The following ZFY variants were observed in gnomAD, a reference collection of about 807,000 sequenced individuals.
ZFY encodes zinc finger protein Y-linked, also known as zinc finger Y-chromosomal protein.
For synonymous variants in ZFY, 47 were observed against 55.8 expected (o/e 0.84, Z 0.71); for missense variants, 113 against 170.9 (o/e 0.66, Z 1.89).
chrY:2,962,471 C>T (rs2051314526), intron 3 of ZFY, among the ~76,000 whole-genome samples: 1 of 33,606 alleles, frequency 3.0e-5, no homozygotes, highest in African/African-American at 1.2e-4. Context: ...TTCATTACTA[C>T]GGTCTTTGGA....
At position 2,979,609 on chromosome Y, in the gene ZFY, G is replaced by C; in HGVS notation, c.2022G>C (p.Lys674Asn). The C allele has an allele frequency of 2.5e-6, 1 of 399,118 alleles. No homozygotes were observed. Among genetic ancestry groups the C allele is most frequent in the South Asian group, 3.0e-5 (1 of 33,803 alleles). ...EKGFHRPSEL[K>N]KHVAVHKGKK... is the part of the protein sequence containing the mutation. ...GCTTTCACAGGCCTTCAGAACTTAA[G>C]AAACATGTGGCTGTCCACAAAGGTA... is the stretch of plus-strand genomic sequence containing the variant. Residue 674 changes from lysine to asparagine, a missense_variant, in exon 8 of 8, where the codon AAG becomes AAC. Physicochemically the swap from Lys to Asn is moderately conservative, Grantham distance 94. Transcript: ENST00000155093.
intron 1 of ZFY, among the ~76,000 whole-genome samples, chrY:2,937,793 C>T (rs752415261): frequency 0.013 from 411 of 32,233 alleles, no homozygotes; most frequent in Non-Finnish European, 0.026. Flanking sequence ...TGTGAGGGTC[C>T]TAGATGCAGT....
At chrY:2,977,904 T>G in intron 6 of ZFY, 36 bp from the exon 7 acceptor site, 2 of 373,979 alleles carry the variant, frequency 5.3e-6, no homozygotes, top group Non-Finnish European at 7.4e-6. Context: ...GAATTTATAA[T>G]GTTGTGTAAT....
At chrY:2,974,349 T>C (rs2051359319) in intron 3 of ZFY, among the ~76,000 whole-genome samples, 1 of 30,718 alleles carries the variant, frequency 3.3e-5, no homozygotes, top group Admixed American at 3.1e-4. Flanking sequence ...GCCCAACTCA[T>C]TTTTTTGCAT....
chrY:2,937,720 T>C, intron 1 of ZFY, among the ~76,000 whole-genome samples: 1 of 32,810 alleles, frequency 3.0e-5, no homozygotes, highest in Non-Finnish European at 7.4e-5. Flanking sequence ...GGTGGCTTTA[T>C]GAAACTTTGC....
At chrY:2,952,478 G>A (rs552998489) in intron 1 of ZFY, among the ~76,000 whole-genome samples, 44 of 33,547 alleles carry the variant, frequency 1.3e-3, no homozygotes, top group African/African-American at 5.1e-3. Flanking sequence ...TTTAGAGCAG[G>A]TGCCCTTTTT....
chrY:2,938,752 A>G, intron 1 of ZFY, among the ~76,000 whole-genome samples: 1 of 28,184 alleles, frequency 3.5e-5, no homozygotes, highest in Non-Finnish European at 8.3e-5. Context: ...TAATTTTTCT[A>G]GTTTTCGTAG....
intron 1 of ZFY, among the ~76,000 whole-genome samples, chrY:2,946,243 G>A: frequency 3.1e-5 from 1 of 32,427 alleles, no homozygotes; most frequent in Non-Finnish European, 7.5e-5. Context: ...AGCCACCCTG[G>A]CTGGCCACAA....
intron 1 of ZFY, among the ~76,000 whole-genome samples, chrY:2,937,511 G>A (rs1603310489): frequency 8.0e-4 from 18 of 22,567 alleles, no homozygotes; most frequent in African/African-American, 3.2e-3. Flanking sequence ...AAAAAAAAAA[G>A]AATGTGGCTA....
Position 2,961,185 on chromosome Y carries a change from A to G in ZFY, c.173A>G (p.Asp58Gly). 2.5e-6 allele frequency: 1 copy of G among 398,777 alleles called. No individual in the cohort carries two copies. The highest frequency in any genetic ancestry group is 3.5e-6 in the Non-Finnish European group (1 of 283,391). The change falls in exon 3 of 8, where the codon GAT (aspartate) becomes GGT (glycine). Residue 58 changes from aspartate to glycine, a missense_variant. Transcript: ENST00000155093. ...SDITVHNFVP[D>G]DPDSVVIQDV... is the part of the protein sequence containing the mutation. ...ATAACTGTGCATAACTTTGTTCCTG[A>G]TGACCCAGACTCAGTTGTAATCCAA...
chrY:2,971,499 T>C (rs779852637), intron 3 of ZFY, among the ~76,000 whole-genome samples: 3 of 33,544 alleles, frequency 8.9e-5, no homozygotes, highest in African/African-American at 3.5e-4. Context: ...CCCTACCTGC[T>C]GTATCCTTTG....
intron 3 of ZFY, among the ~76,000 whole-genome samples, chrY:2,968,919 T>C (rs2051339469): frequency 3.0e-5 from 1 of 33,753 alleles, no homozygotes; most frequent in Non-Finnish European, 7.4e-5. Flanking sequence ...CTTGGGAAAG[T>C]AGAAGAGTTT....
In ZFY at chrY:2,978,998, C is replaced by G. The variant is rs2051388261; in HGVS notation, c.1411C>G (p.Leu471Val). ...TAAGAAGATAAGTTTACATAACCAC[C>G]TGGAGAGCCACAAGCTGACCAGCAA... ...TNKKISLHNH[L>V]ESHKLTSKAE... Residue 471 changes from leucine (L) to valine (V), a missense_variant, in exon 8 of 8, where the codon CTG (leucine) becomes GTG (valine). By Grantham distance (32) the Leu-to-Val change is conservative (BLOSUM62 1). Coordinates refer to ENST00000155093, the MANE Select transcript of ZFY (RefSeq NM_003411.4). 2 of 396,960 alleles carry G rather than the reference C, an allele frequency of 5.0e-6. No individual in the cohort carries two copies. The highest frequency in any genetic ancestry group is 1.3e-4 in the African/African-American group (2 of 15,603).
intron 2 of ZFY, among the ~76,000 whole-genome samples, chrY:2,959,897 G>T (rs2051303707): frequency 3.6e-5 from 1 of 27,434 alleles, no homozygotes. Flanking sequence ...AGAAAAATCC[G>T]GTGAGGTAGT....
chrY:2,981,444 G>T lies in ZFY; in HGVS notation c.*1451G>T, dbSNP rs1024843115. ...TAAAATGAATTCATATAATTAAAAA[G>T]AATTTGGTTAATAAGAATTTGGAGA... On this transcript the variant is annotated 3_prime_UTR_variant, in exon 8 of 8. Transcript: ENST00000155093. 3.0e-5 allele frequency: 1 copy of T among 33,246 alleles called. No individual in the cohort carries two copies. The highest frequency in any genetic ancestry group is 7.5e-5 in the Non-Finnish European group (1 of 13,399). The allele number at this position is 33,246 out of a possible 400,897, so 8.3% of individuals were successfully genotyped here.
intron 1 of ZFY, among the ~76,000 whole-genome samples, chrY:2,936,470 C>G: frequency 2.9e-5 from 1 of 33,915 alleles, no homozygotes; most frequent in Non-Finnish European, 7.3e-5. Context: ...ATAGACAGTA[C>G]AGTACAAATT....
intron 1 of ZFY, among the ~76,000 whole-genome samples, chrY:2,944,723 G>A: frequency 2.7e-4 from 7 of 25,956 alleles, no homozygotes; most frequent in African/African-American, 4.5e-4. Context: ...CTTGTACGTG[G>A]AGTCTTTTTA....
chrY:2,976,710 C>T lies in ZFY; in HGVS notation c.969C>T (p.Ile323=), dbSNP rs1186008397. The change falls in exon 6 of 8, where the codon ATC becomes ATT. Residue 323 remains isoleucine (I), a synonymous_variant. Transcript: ENST00000155093. ...CTGATGAAGTTTATATGGAAGTGAT[C>T]GTAGGAGAGGAGGATGCTGCTGTTG... is the stretch of plus-strand genomic sequence containing the variant. ...EIADEVYMEV[I]VGEEDAAVAA... The T allele has an allele frequency of 2.6e-6, 1 of 391,919 alleles. No individual in the cohort carries two copies. Among genetic ancestry groups the T allele is most frequent in the East Asian group, 9.5e-5 (1 of 10,576 alleles).
chrY:2,948,801 C>A (rs2051269777), intron 1 of ZFY, among the ~76,000 whole-genome samples: 1 of 33,738 alleles, frequency 3.0e-5, no homozygotes, highest in Non-Finnish European at 7.3e-5. Context: ...ATGAAATGCA[C>A]AAGCAGACTT....
Sources: gnomAD v4.1 joint callset for allele counts (sites outside exome capture counted in the v4.1 genomes callset) on GRCh38, gnomAD v4.1.1 for gene constraint, MANE v1.5 for transcripts, NCBI Gene and HGNC (gene_info 2026-07-23, HGNC 2026-07-21) for gene names.